The following FGFR3 variants were observed in gnomAD, a reference collection of about 807,000 sequenced individuals.
FGFR3 encodes the protein FGFR-3.
FGFR3 carries 25 observed loss-of-function variants against 82.9 expected under a neutral mutation model. That is an observed-to-expected ratio of 0.30 (90% CI 0.22 to 0.42). The LOEUF (loss-of-function observed/expected upper bound fraction) is 0.42. FGFR3 is among the 10% of genes least tolerant of loss of function. The probability of loss-of-function intolerance (pLI) is 1.00; values close to 1 mark genes in which losing one functional copy is unlikely to be tolerated. For missense variants in FGFR3, 1,026 were observed against 1,161.0 expected, an observed-to-expected ratio of 0.88 and a Z score of 1.69; for synonymous variants, 620 against 516.0, an observed-to-expected ratio of 1.20 and a Z score of -2.73.
rs1721683788 is a variant in FGFR3, at chr4:1,804,880, A to G, written c.1323A>G (p.Ala441=). Residue 441 remains alanine (A), a synonymous_variant, in exon 10 of 18, where the codon GCA becomes GCG. Coordinates refer to ENST00000440486, the MANE Select transcript of FGFR3 (RefSeq NM_000142.5). ...CCAACACACCACTGGTGCGCATCGC[A>G]AGGCTGTCCTCAGGGGAGGGCCCCA... The part of the protein sequence containing the change: ...MSSNTPLVRI[A]RLSSGEGPTL... 1.3e-6 allele frequency: 2 copies of G among 1,550,058 alleles called. No homozygotes were observed. Among genetic ancestry groups the G allele is most frequent in the Non-Finnish European group, 1.7e-6 (2 of 1,146,928 alleles).
chr4:1,793,883 G>T lies in FGFR3; in HGVS notation c.-52G>T. The T allele has an allele frequency of 1.4e-6, 1 of 733,186 alleles. No homozygotes were observed. The highest frequency in any genetic ancestry group is 6.1e-5 in the South Asian group (1 of 16,340). 45.4% of individuals were successfully genotyped at this position (733,186 alleles called of 1,614,324 possible). On this transcript the variant is annotated 5_prime_UTR_variant, in exon 2 of 18. Transcript: ENST00000440486. ...CCGGTGCCCGCGCCGGGCCGTGGGG[G>T]GCAGCATGCCCGCGCGCGCTGCCTG...
rs1457975322 is a variant in FGFR3 at position 1,801,715 on chromosome 4, C to A, written c.711C>A (p.Ile237=). The part of the protein sequence containing the change: ...TCVVENKFGS[I]RQTYTLDVLE... ...TCGTGGAGAACAAGTTTGGCAGCAT[C>A]CGGCAGACGTACACGCTGGACGTGC... Residue 237 remains isoleucine (I), a synonymous_variant, in exon 6 of 18, where the codon ATC becomes ATA. Coordinates refer to ENST00000440486, the MANE Select transcript of FGFR3 (RefSeq NM_000142.5). The A allele has an allele frequency of 6.2e-7, 1 of 1,609,366 alleles. No individual in the cohort carries two copies. The highest frequency in any genetic ancestry group is 1.1e-5 in the South Asian group (1 of 90,616).
At position 1,804,453 on chromosome 4, in the gene FGFR3, G is replaced by GC. The variant is rs760502257; in HGVS notation, c.1206dup (p.Lys403GlnfsTer93). 12 of 1,612,652 alleles carry GC rather than the reference G, an allele frequency of 7.4e-6. No homozygotes were observed. Among genetic ancestry groups the GC allele is most frequent in the Middle Eastern group, 1.7e-4 (1 of 6,058 alleles). On this transcript the variant is annotated frameshift_variant, in exon 9 of 18. Transcript: ENST00000440486. LOFTEE classifies it high-confidence loss of function. ...GCTGTGACGCTCTGCCGCCTGCGCAGCCCCCCCAAGAAAGGCCTGGGCTCC... is the reference window on the plus strand; with the variant it reads ...GCTGTGACGCTCTGCCGCCTGCGCAGCCCCCCCCAAGAAAGGCCTGGGCTCC...
At position 1,807,540 on chromosome 4, in the gene FGFR3, C is replaced by T. The variant is rs764103109; in HGVS notation, c.*278C>T. ...GCTGCAGCACCGAGGGGCCTTTGTTCTGGGGGGACCCAGTGCAGAATGTAA... is the reference window on the plus strand; with the variant it reads ...GCTGCAGCACCGAGGGGCCTTTGTTTTGGGGGGACCCAGTGCAGAATGTAA... On this transcript the variant is annotated 3_prime_UTR_variant, in exon 18 of 18. Transcript: ENST00000440486. The T allele has an allele frequency of 1.4e-6, 1 of 713,076 alleles. No individual in the cohort carries two copies. Among genetic ancestry groups the T allele is most frequent in the Non-Finnish European group, 2.6e-6 (1 of 388,946 alleles). The allele number at this position is 713,076 out of a possible 1,614,324, so 44.2% of individuals were successfully genotyped here.
At chr4:1,797,859 A>G (rs1210490805) in intron 2 of FGFR3, among the ~76,000 whole-genome samples, 1 of 152,160 alleles carries the variant, frequency 6.6e-6, no homozygotes, top group Admixed American at 6.5e-5. Flanking sequence ...TGGCTGGATC[A>G]GGTGGGTTGG....
intron 2 of FGFR3, among the ~76,000 whole-genome samples, chr4:1,795,445 C>T (rs1014902608): frequency 3.3e-5 from 5 of 149,654 alleles, no homozygotes; most frequent in African/African-American, 4.9e-5. Context: ...CGGGGCGGCG[C>T]CCCCGCCCGC....
At chr4:1,803,019 G>A (rs750343506) in intron 7 of FGFR3, 13 of 1,602,292 alleles carry the variant, frequency 8.1e-6, no homozygotes, top group South Asian at 5.6e-5. Context: ...TTTCATAGGC[G>A]TGGCCGAGAA....
At chr4:1,797,686 C>T (rs940643096) in intron 2 of FGFR3, among the ~76,000 whole-genome samples, 2 of 152,194 alleles carry the variant, frequency 1.3e-5, no homozygotes, top group Non-Finnish European at 2.9e-5. Flanking sequence ...TGGCCAGGAC[C>T]GGAGGGCTGG....
At chr4:1,794,407 A>G (rs1365575867) in intron 2 of FGFR3, among the ~76,000 whole-genome samples, 1 of 152,002 alleles carries the variant, frequency 6.6e-6, no homozygotes, top group African/African-American at 2.4e-5. Context: ...GAAAGTTCCC[A>G]TTGTTGGCGT....
In FGFR3 at chr4:1,808,206, G is replaced by A. The variant is rs1166317957; in HGVS notation, c.*944G>A. On this transcript the variant is annotated 3_prime_UTR_variant, in exon 18 of 18. Transcript: ENST00000440486. ...GGAGAGTTTTAATTTTTAACTTATT[G>A]ACAACCGAGAAGGTTTATCCCGCCG... 4.3e-6 allele frequency: 1 copy of A among 232,570 alleles called. No homozygotes were observed. Among genetic ancestry groups the A allele is most frequent in the Non-Finnish European group, 8.5e-6 (1 of 117,722 alleles). The allele number at this position is 232,570 out of a possible 1,614,324, so 14.4% of individuals were successfully genotyped here.
rs763717776 is a variant in FGFR3 at position 1,808,126 on chromosome 4, C to T, written c.*864C>T. 66 of 232,816 alleles carry T rather than the reference C, an allele frequency of 2.8e-4. No individual in the cohort carries two copies. The highest frequency in any genetic ancestry group is 2.3e-4 in the Non-Finnish European group (27 of 117,870). 14.4% of individuals were successfully genotyped at this position (232,816 alleles called of 1,614,324 possible). The stretch of plus-strand genomic sequence containing the variant: ...TATTTGTAAAGCTATTTATGGGCCC[C>T]TGGCACTCTTGTTCCCACACCCCAA... On this transcript the variant is annotated 3_prime_UTR_variant, in exon 18 of 18. Transcript: ENST00000440486.
chr4:1,799,666 G>A (rs1720957875), intron 3 of FGFR3, 81 bp from the exon 4 acceptor site: 3 of 1,578,470 alleles, frequency 1.9e-6, no homozygotes, highest in East Asian at 4.5e-5. Context: ...CCAAATGGGG[G>A]ACCCTGCCCC....
chr4:1,796,278 A>G (rs904229898), intron 2 of FGFR3, among the ~76,000 whole-genome samples: 3 of 152,124 alleles, frequency 2.0e-5, no homozygotes, highest in African/African-American at 7.2e-5. Flanking sequence ...GGCTGTTTGA[A>G]GGATTAGGCC....
At position 1,804,882 on chromosome 4, in the gene FGFR3, G is replaced by C. The variant is rs1395053667; in HGVS notation, c.1325G>C (p.Arg442Thr). ...SSNTPLVRIA[R>T]LSSGEGPTLA... ...AACACACCACTGGTGCGCATCGCAA[G>C]GCTGTCCTCAGGGGAGGGCCCCACG... The change falls in exon 10 of 18, where the codon AGG becomes ACG. Residue 442 changes from arginine (R) to threonine (T), a missense_variant. By Grantham distance (71) the Arg-to-Thr change is moderately conservative. Around this residue, in one of 9 missense-constraint regions of FGFR3, gnomAD observed 256 missense variants for 217.6 expected, o/e 1.18. Coordinates refer to ENST00000440486, the MANE Select transcript of FGFR3 (RefSeq NM_000142.5). 4 of 1,550,194 alleles carry C rather than the reference G, an allele frequency of 2.6e-6. No homozygotes were observed. In the South Asian group the frequency reaches 4.8e-5, roughly 18 times the overall value.
chr4:1,801,054 G>A (rs1044162489), intron 4 of FGFR3, among the ~76,000 whole-genome samples: 3 of 152,326 alleles, frequency 2.0e-5, no homozygotes, highest in Admixed American at 6.5e-5. Context: ...CAGTCTCCCC[G>A]TTGGTGGGCC....
At chr4:1,796,107 C>T (rs1406928985) in intron 2 of FGFR3, among the ~76,000 whole-genome samples, 2 of 152,172 alleles carry the variant, frequency 1.3e-5, no homozygotes, top group African/African-American at 2.4e-5. Flanking sequence ...TCTAGGGAGG[C>T]ATGCAGCCCT....
intron 7 of FGFR3, 78 bp downstream of exon 7, chr4:1,802,103 G>C: frequency 6.7e-7 from 1 of 1,490,618 alleles, no homozygotes; most frequent in South Asian, 1.2e-5. Flanking sequence ...GCTGCGGGTT[G>C]CGTGAGGATT....
intron 15 of FGFR3, 108 bp downstream of exon 15, chr4:1,806,435 T>G (rs1721929132): frequency 6.2e-7 from 1 of 1,604,536 alleles, no homozygotes; most frequent in Admixed American, 1.7e-5. Flanking sequence ...CTGGGTGTGG[T>G]TTCTACCCCT....
intron 8 of FGFR3, 37 bp downstream of exon 8, chr4:1,803,873 C>CT: frequency 6.3e-7 from 1 of 1,598,636 alleles, no homozygotes; most frequent in Non-Finnish European, 8.6e-7. Context: ...TCCGCACTGT[C>CT]TGGGGGACGC....
Sources: gnomAD v4.1 joint callset for allele counts (sites outside exome capture counted in the v4.1 genomes callset) on GRCh38, gnomAD v4.1.1 for gene constraint, gnomAD v4.1.1 regional missense constraint, MANE v1.5 for transcripts, NCBI Gene and HGNC (gene_info 2026-07-23, HGNC 2026-07-21) for gene names.